PHKB: variants seen among roughly 807,000 people sequenced by gnomAD.
PHKB encodes the protein phosphorylase b kinase regulatory subunit beta.
Under a neutral mutation model 152.1 loss-of-function variants are expected in PHKB, and 122 were observed. The ratio of observed to expected loss-of-function variants is 0.80; its 90% confidence interval spans 0.69 to 0.93. The LOEUF is 0.93. Ranked by LOEUF, PHKB falls within the 40% of genes least tolerant of loss-of-function variation. PHKB has a pLI of 0.00. For synonymous variants in PHKB, 436 were observed against 464.9 expected (o/e 0.94, Z 0.80); for missense variants, 1,304 against 1,328.4 (o/e 0.98, Z 0.29).
At chr16:47,549,649 C>T (rs548062986) in intron 7 of PHKB, among the ~76,000 whole-genome samples, 46 of 151,956 alleles carry the variant, frequency 3.0e-4, no homozygotes, top group Non-Finnish European at 4.3e-4. Context: ...GAGCCGAGAT[C>T]GTGCCACTGC....
At chr16:47,464,201 G>A (rs1268393523) in intron 1 of PHKB, 2 of 576,124 alleles carry the variant, frequency 3.5e-6, no homozygotes, top group East Asian at 5.9e-5. Flanking sequence ...GAAAAGAACA[G>A]AGAGTGGAGT....
chr16:47,661,083 A>G (rs888320459), intron 22 of PHKB, among the ~76,000 whole-genome samples: 10 of 152,126 alleles, frequency 6.6e-5, no homozygotes, highest in African/African-American at 2.4e-4. Context: ...AAAGAAGTCA[A>G]TGATAGTTGC....
intron 28 of PHKB, among the ~76,000 whole-genome samples, chr16:47,695,224 T>G (rs1974127333): frequency 6.6e-6 from 1 of 152,180 alleles, no homozygotes; most frequent in African/African-American, 2.4e-5. Context: ...GCAAGCTTGG[T>G]ATCTCTTCTG....
At chr16:47,511,446 G>A (rs945003208) in intron 4 of PHKB, among the ~76,000 whole-genome samples, 3 of 152,178 alleles carry the variant, frequency 2.0e-5, no homozygotes, top group African/African-American at 7.2e-5. Flanking sequence ...CTGAGTTGCT[G>A]TGCATGTGAA....
At chr16:47,517,098 T>C (rs1222284270) in intron 6 of PHKB, among the ~76,000 whole-genome samples, 1 of 152,122 alleles carries the variant, frequency 6.6e-6, no homozygotes, top group African/African-American at 2.4e-5. Flanking sequence ...AGAGGAGGCC[T>C]TCCAGAACCA....
Position 47,515,584 on chromosome 16 carries a change from A to G in PHKB, c.577A>G (p.Ile193Val). Reference sequence around the variant, plus strand: ...AATGATTTCCTCAGGACTCCAGATTATCTACAACACTGATGAGGTATGCTT... The same window carrying G: ...AATGATTTCCTCAGGACTCCAGATTGTCTACAACACTGATGAGGTATGCTT... ...VEMISSGLQI[I>V]YNTDEVSFIQ... is the part of the protein sequence containing the mutation. Residue 193 changes from isoleucine (I) to valine (V), a missense_variant, in exon 6 of 31, where the codon ATC becomes GTC. By Grantham distance (29) the Ile-to-Val change is conservative. Coordinates refer to ENST00000323584, the MANE Select transcript of PHKB (RefSeq NM_000293.3). The G allele has an allele frequency of 7.0e-7, 1 of 1,420,624 alleles. No homozygotes were observed. The highest frequency in any genetic ancestry group is 1.0e-6 in the Non-Finnish European group (1 of 1,003,954). The allele number at this position is 1,420,624 out of a possible 1,614,324, so 88.0% of individuals were successfully genotyped here. A position where few individuals can be genotyped will look rare whatever the true frequency, so the allele number is the denominator to read the frequency against.
chr16:47,630,137 C>T (rs1266051334), intron 14 of PHKB, among the ~76,000 whole-genome samples: 1 of 151,938 alleles, frequency 6.6e-6, no homozygotes, highest in East Asian at 1.9e-4. Flanking sequence ...AACTAACCTG[C>T]ACATTGTGCA....
In PHKB at chr16:47,699,551, T is replaced by C; in HGVS notation, c.*185T>C. 1.5e-6 allele frequency: 1 copy of C among 686,134 alleles called. No individual in the cohort carries two copies. The highest frequency in any genetic ancestry group is 2.6e-6 in the Non-Finnish European group (1 of 378,692). 42.5% of individuals were successfully genotyped at this position (686,134 alleles called of 1,614,324 possible). On this transcript the variant is annotated 3_prime_UTR_variant, in exon 31 of 31. Transcript: ENST00000323584. ...CCAATCTAACGGTAATGGTAAATGCTTTTAATCAAGCAGGAAAAAGTTCTC... is the reference window on the plus strand; with the variant it reads ...CCAATCTAACGGTAATGGTAAATGCCTTTAATCAAGCAGGAAAAAGTTCTC...
At chr16:47,659,276 G>A (rs1156513011) in intron 20 of PHKB, among the ~76,000 whole-genome samples, 1 of 152,192 alleles carries the variant, frequency 6.6e-6, no homozygotes, top group Non-Finnish European at 1.5e-5. Flanking sequence ...TAGAGGAGAA[G>A]GCACTACTAT....
At chr16:47,469,928 G>A (rs1969735185) in intron 1 of PHKB, among the ~76,000 whole-genome samples, 2 of 152,178 alleles carry the variant, frequency 1.3e-5, no homozygotes, top group African/African-American at 4.8e-5. Flanking sequence ...ACCTAGTGGT[G>A]GTAGTAGTAG....
At chr16:47,684,621 G>T (rs1973927793) in intron 26 of PHKB, among the ~76,000 whole-genome samples, 1 of 152,034 alleles carries the variant, frequency 6.6e-6, no homozygotes, top group African/African-American at 2.4e-5. Flanking sequence ...CAAAAAATTA[G>T]CTGGGCGTAG....
At chr16:47,581,609 A>G (rs1971847124) in intron 8 of PHKB, among the ~76,000 whole-genome samples, 1 of 152,214 alleles carries the variant, frequency 6.6e-6, no homozygotes, top group African/African-American at 2.4e-5. Context: ...CATGCAAATA[A>G]AAGTTAGTTA....
chr16:47,556,869 G>C (rs1298311884), intron 7 of PHKB, among the ~76,000 whole-genome samples: 1 of 152,128 alleles, frequency 6.6e-6, no homozygotes, highest in Non-Finnish European at 1.5e-5. Flanking sequence ...TGTACCTCAG[G>C]TAGAATTCGG....
In PHKB at chr16:47,581,300, A is replaced by T. The variant is rs1305885657; in HGVS notation, c.774+942A>T. On this transcript the variant is annotated intron_variant, in intron 8 of 30. Transcript: ENST00000323584. Reference sequence around the variant, plus strand: ...GTACACAAGCACTCTTCTCATCCCAACTCCCTCTAGAGGATGGATGGGCTC... The same window carrying T: ...GTACACAAGCACTCTTCTCATCCCATCTCCCTCTAGAGGATGGATGGGCTC... 2.6e-5 allele frequency among the ~76,000 whole-genome samples: 4 copies of T among 152,054 alleles called. No individual in the cohort carries two copies. The South Asian group carries it at 8.3e-4, about 32-fold the overall frequency.
chr16:47,698,363 G>A (rs779325617), intron 29 of PHKB, 85 bp from the exon 30 acceptor site: 16 of 989,320 alleles, frequency 1.6e-5, no homozygotes, highest in Non-Finnish European at 2.6e-5. Context: ...AATATCCTTT[G>A]GATCACCCAT....
chr16:47,592,264 T>C (rs1972041849), intron 10 of PHKB, among the ~76,000 whole-genome samples: 1 of 152,178 alleles, frequency 6.6e-6, no homozygotes, highest in South Asian at 2.1e-4. Context: ...ATATAATGAG[T>C]AAATTTGATC....
chr16:47,686,106 T>C (rs1171968939), intron 26 of PHKB, among the ~76,000 whole-genome samples: 1 of 152,292 alleles, frequency 6.6e-6, no homozygotes, highest in East Asian at 1.9e-4. Context: ...AAAACCTGCT[T>C]CCTTTCATGA....
rs1463366667 is a variant in PHKB, at chr16:47,664,930, C to T, written c.2382C>T (p.Ser794=). The change falls in exon 25 of 31, where the codon TCC becomes TCT. Residue 794 remains serine, a synonymous_variant. Transcript: ENST00000323584. ...YGAAFTQKFS[S]SIAPHITTFL... ...CTGCATTTACCCAGAAATTTTCTTC[C>T]TCTATAGCCCCACACATTACTACTT... The T allele has an allele frequency of 3.7e-6, 6 of 1,613,712 alleles. No homozygotes were observed. In the Admixed American group the frequency reaches 6.7e-5, roughly 18 times the overall value.
At chr16:47,548,298 A>G (rs1351317124) in intron 7 of PHKB, 1 of 152,240 alleles carries the variant, frequency 6.6e-6, no homozygotes, top group Non-Finnish European at 1.5e-5. Flanking sequence ...GATTATTGGG[A>G]CTTAAATTAA....
Sources: allele counts gnomAD v4.1 joint callset (sites outside exome capture counted in the v4.1 genomes callset), GRCh38; gene constraint gnomAD v4.1.1; transcripts MANE v1.5; gene names NCBI Gene and HGNC (gene_info 2026-07-23, HGNC 2026-07-21).